NMBR: variants seen among roughly 807,000 people sequenced by gnomAD.
The protein encoded by NMBR is neuromedin B receptor.
In NMBR, 16 loss-of-function variants were observed where a neutral mutation model predicts 20.5. The observed-to-expected ratio is 0.78, with a 90% CI of 0.53 to 1.19. NMBR has a LOEUF of 1.19. NMBR is among the 50% of genes most tolerant of loss of function. The probability of loss-of-function intolerance (pLI) is 0.00; values close to 1 mark genes in which losing one functional copy is unlikely to be tolerated. For missense variants in NMBR, 582 were observed against 499.1 expected (o/e 1.17, Z -1.58); for synonymous variants, 212 against 196.6 (o/e 1.08, Z -0.65).
chr6:142,084,812 C>G (rs1477011318), intron 2 of NMBR, among the ~76,000 whole-genome samples: 1 of 152,140 alleles, frequency 6.6e-6, no homozygotes, highest in Non-Finnish European at 1.5e-5. Context: ...TAACGCCAAC[C>G]AGGAGCAAAA....
chr6:142,099,623 A>G (rs1220292094), intron 1 of NMBR, among the ~76,000 whole-genome samples: 1 of 152,152 alleles, frequency 6.6e-6, no homozygotes, highest in Non-Finnish European at 1.5e-5. Context: ...GAGACAAACC[A>G]TATCAACTTG....
At chr6:142,079,706 A>G (rs892983188) in intron 2 of NMBR, among the ~76,000 whole-genome samples, 6 of 152,136 alleles carry the variant, frequency 3.9e-5, no homozygotes, top group African/African-American at 1.4e-4. Context: ...CTAGATTGGG[A>G]TTTTCTCCAT....
chr6:142,132,358 C>G (rs964676622), intron 1 of NMBR, among the ~76,000 whole-genome samples: 3 of 151,996 alleles, frequency 2.0e-5, no homozygotes, highest in Non-Finnish European at 4.4e-5. Context: ...TCCTCAACAC[C>G]CATAACAATG....
intron 1 of NMBR, among the ~76,000 whole-genome samples, chr6:142,141,713 C>T (rs1778365078): frequency 6.6e-6 from 1 of 152,066 alleles, no homozygotes; most frequent in African/African-American, 2.4e-5. Flanking sequence ...ACCATGTTGG[C>T]CAGGCTGTCT....
chr6:142,094,996 T>G (rs944922852), intron 1 of NMBR, among the ~76,000 whole-genome samples: 2 of 152,216 alleles, frequency 1.3e-5, no homozygotes, highest in Non-Finnish European at 2.9e-5. Flanking sequence ...TTTTGCACAT[T>G]GATTTTGTAT....
chr6:142,103,673 T>C (rs2114583006), intron 1 of NMBR, among the ~76,000 whole-genome samples: 1 of 152,304 alleles, frequency 6.6e-6, no homozygotes, highest in South Asian at 2.1e-4. Context: ...TTTATATGCA[T>C]AGCACTGATA....
chr6:142,087,168 A>G (rs1195616948), intron 2 of NMBR, among the ~76,000 whole-genome samples: 1 of 152,206 alleles, frequency 6.6e-6, no homozygotes, highest in East Asian at 1.9e-4. Context: ...AGTCAGGATT[A>G]ACTCTTCAAT....
At chr6:142,129,264 A>T (rs886964932) in intron 1 of NMBR, among the ~76,000 whole-genome samples, 1 of 152,160 alleles carries the variant, frequency 6.6e-6, no homozygotes, top group Non-Finnish European at 1.5e-5. Context: ...AACTTTTTGT[A>T]CTAATAGTAG....
At chr6:142,101,126 A>G (rs1167887975) in intron 1 of NMBR, among the ~76,000 whole-genome samples, 2 of 152,214 alleles carry the variant, frequency 1.3e-5, no homozygotes, top group African/African-American at 4.8e-5. Flanking sequence ...GAAGTGAAGG[A>G]AAGAAACAAC....
chr6:142,077,565 T>C (rs763400665), intron 3 of NMBR, among the ~76,000 whole-genome samples: 3 of 152,224 alleles, frequency 2.0e-5, no homozygotes, highest in Non-Finnish European at 4.4e-5. Flanking sequence ...TGGGTGATTT[T>C]TTAAGTCTTT....
At chr6:142,112,000 G>T (rs944486229) in intron 1 of NMBR, among the ~76,000 whole-genome samples, 1 of 152,110 alleles carries the variant, frequency 6.6e-6, no homozygotes, top group Admixed American at 6.6e-5. Context: ...CAATACATCT[G>T]ATTTTCATTC....
intron 1 of NMBR, among the ~76,000 whole-genome samples, chr6:142,116,700 T>A (rs914773484): frequency 1.1e-4 from 16 of 152,040 alleles, no homozygotes; most frequent in African/African-American, 3.9e-4. Context: ...AGCCAGGTAT[T>A]ATTTAGGCAC....
At chr6:142,131,045 C>T (rs1257788448) in intron 1 of NMBR, among the ~76,000 whole-genome samples, 1 of 152,118 alleles carries the variant, frequency 6.6e-6, no homozygotes, top group East Asian at 1.9e-4. Context: ...TAAGTGTCTA[C>T]TGTAGTCATC....
chr6:142,132,638 A>T (rs190755772), intron 1 of NMBR, among the ~76,000 whole-genome samples: 24 of 152,332 alleles, frequency 1.6e-4, no homozygotes, highest in Non-Finnish European at 2.9e-4. Context: ...ATTATACTCT[A>T]TGGAAGTAAA....
chr6:142,092,621 CAG>C (rs1255723728), intron 1 of NMBR, among the ~76,000 whole-genome samples: 2 of 152,104 alleles, frequency 1.3e-5, no homozygotes, highest in Admixed American at 1.3e-4. Context: ...CAGCACAAAA[CAG>C]TGATCCCTAA....
intron 1 of NMBR, among the ~76,000 whole-genome samples, chr6:142,093,038 A>G (rs79420406): frequency 0.013 from 2,055 of 152,274 alleles, 47 homozygotes; most frequent in African/African-American, 0.047. Flanking sequence ...AAAATTAACC[A>G]TAGACCAAAG....
intron 1 of NMBR, among the ~76,000 whole-genome samples, chr6:142,106,772 T>C (rs928274989): frequency 4.6e-5 from 7 of 152,236 alleles, no homozygotes; most frequent in African/African-American, 1.7e-4. Flanking sequence ...AAATATTGTA[T>C]TGCCATTTGC....
chr6:142,143,303 G>A lies in NMBR; in HGVS notation c.-664+3741C>T, dbSNP rs1778385147. ...ATTTTAATTTTATTTTTTATTTTTTGAGACGGAGTCTCGCTCTGTCGCCCA... is the reference window on the plus strand; with the variant it reads ...ATTTTAATTTTATTTTTTATTTTTTAAGACGGAGTCTCGCTCTGTCGCCCA... On this transcript the variant is annotated intron_variant, in intron 1 of 3. Transcript: ENST00000258042. 4.6e-5 allele frequency among the ~76,000 whole-genome samples: 7 copies of A among 152,036 alleles called. No homozygotes were observed. The South Asian group carries it at 1.5e-3, about 32-fold the overall frequency.
chr6:142,146,148 A>T (rs1457251065), intron 1 of NMBR, among the ~76,000 whole-genome samples: 1 of 152,216 alleles, frequency 6.6e-6, no homozygotes, highest in Non-Finnish European at 1.5e-5. Context: ...CAGGCTGAGT[A>T]AAAAAGCCCG....
Sources: allele counts gnomAD v4.1 joint callset (sites outside exome capture counted in the v4.1 genomes callset), GRCh38; gene constraint gnomAD v4.1.1; transcripts MANE v1.5; gene names NCBI Gene and HGNC (gene_info 2026-07-23, HGNC 2026-07-21).